SYNE2: variants seen among roughly 807,000 people sequenced by gnomAD.
SYNE2 encodes spectrin repeat containing nuclear envelope protein 2.
SYNE2 carries 431 observed loss-of-function variants against 856.3 expected under a neutral mutation model. The observed-to-expected ratio is 0.50, with a 90% CI of 0.47 to 0.55. The LOEUF (loss-of-function observed/expected upper bound fraction) is 0.55, where lower values mean the gene tolerates loss of function less well. Ranked by LOEUF, SYNE2 falls within the 20% of genes least tolerant of loss-of-function variation. The pLI, the probability that SYNE2 is intolerant of heterozygous loss-of-function variation, is 0.00. For synonymous variants in SYNE2, 2,923 were observed against 2,872.3 expected, an observed-to-expected ratio of 1.02 and a Z score of -0.56; for missense variants, 8,129 against 8,023.2, an observed-to-expected ratio of 1.01 and a Z score of -0.50.
Position 64,128,558 on chromosome 14 carries a change from T to C in SYNE2, c.14019+5T>C. The C allele has an allele frequency of 6.4e-7, 1 of 1,574,500 alleles. No individual in the cohort carries two copies. The highest frequency in any genetic ancestry group is 8.7e-7 in the Non-Finnish European group (1 of 1,143,952). On this transcript the variant is annotated splice_donor_5th_base_variant and intron_variant, in intron 74 of 115. Coordinates refer to ENST00000555002, the MANE Select transcript of SYNE2 (RefSeq NM_182914.3). ...AGTGTTGCTGAACAGCTTCAGGTAA[T>C]CAAGTCAAAATAATTCAGACTGACT...
At chr14:64,019,932 G>T in intron 34 of SYNE2, 60 bp from the exon 35 acceptor site, 1 of 1,084,556 alleles carries the variant, frequency 9.2e-7, no homozygotes, top group Non-Finnish European at 1.4e-6. Context: ...AGTAATTATG[G>T]GTATCAGAAA....
intron 1 of SYNE2, among the ~76,000 whole-genome samples, chr14:63,778,875 G>C (rs1299231444): frequency 1.3e-5 from 2 of 152,018 alleles, no homozygotes; most frequent in Non-Finnish European, 2.9e-5. Flanking sequence ...TGAACTCCTG[G>C]CCTTAGTGAT....
rs528543031 is a variant in SYNE2 at position 63,833,501 on chromosome 14, G to A, written c.-304-19000G>A. Among the ~76,000 whole-genome samples the A allele has an allele frequency of 6.7e-4, 102 of 152,252 alleles. 3 individuals are homozygous for A. The South Asian group carries it at 0.02, about 30-fold the overall frequency. On this transcript the variant is annotated intron_variant, in intron 1 of 23. Coordinates refer to the SYNE2 transcript ENST00000674003. ...CCAACTGGCACTTAACAAGCAGACCGCTGATTAACAAAAGAACTACCTATG... is the reference window on the plus strand; with the variant it reads ...CCAACTGGCACTTAACAAGCAGACCACTGATTAACAAAAGAACTACCTATG...
chr14:63,864,589 A>T (rs1894707914), intron 1 of SYNE2: 1 of 152,184 alleles, frequency 6.6e-6, no homozygotes, highest in East Asian at 1.9e-4. Flanking sequence ...GATCCAACAG[A>T]TTCTTTTAGG....
chr14:64,188,445 G>C, intron 97 of SYNE2, 105 bp from the exon 98 acceptor site: 1 of 1,303,924 alleles, frequency 7.7e-7, no homozygotes. Flanking sequence ...GTTGAGTGCG[G>C]AGAGCTACTG....
chr14:64,031,292 G>A lies in SYNE2; in HGVS notation c.7156G>A (p.Val2386Met), dbSNP rs771798098. The A allele has an allele frequency of 2.5e-6, 4 of 1,614,164 alleles. No homozygotes were observed. The Admixed American group carries it at 5.0e-5, about 20-fold the overall frequency. Residue 2386 changes from valine to methionine, a missense_variant, in exon 45 of 116, where the codon GTG becomes ATG. By Grantham distance (21) the Val-to-Met change is conservative. This residue lies in a region of SYNE2 where 297 missense variants were observed against 380.9 expected (regional missense o/e 0.78). Coordinates refer to ENST00000555002, the MANE Select transcript of SYNE2 (RefSeq NM_182914.3). ...PGREKQATSD[V>M]QESTQESAAV... Reference sequence around the variant, plus strand: ...CAGAGAGAAGCAGGCCACTTCTGATGTGCAGGAGTCTACTCAGGAATCAGC... The same window carrying A: ...CAGAGAGAAGCAGGCCACTTCTGATATGCAGGAGTCTACTCAGGAATCAGC...
intron 1 of SYNE2, among the ~76,000 whole-genome samples, chr14:63,782,465 C>A (rs2139741562): frequency 3.5e-5 from 2 of 56,392 alleles, no homozygotes. Flanking sequence ...GAAACTCCAT[C>A]TCAAAAAAAA....
intron 108 of SYNE2, 123 bp from the exon 109 acceptor site, chr14:64,218,275 A>G (rs2098676304): frequency 1.1e-6 from 1 of 876,858 alleles, no homozygotes; most frequent in Non-Finnish European, 1.8e-6. Flanking sequence ...TATTCCTAGC[A>G]AGATACCCTT....
At chr14:64,067,724 T>C (rs558336473) in intron 51 of SYNE2, among the ~76,000 whole-genome samples, 2 of 152,332 alleles carry the variant, frequency 1.3e-5, no homozygotes, top group East Asian at 3.9e-4. Flanking sequence ...AGAACTTGTG[T>C]CCCCCTAAAA....
chr14:64,144,492 G>A (rs1056621690), intron 83 of SYNE2, among the ~76,000 whole-genome samples: 7 of 152,108 alleles, frequency 4.6e-5, no homozygotes, highest in South Asian at 2.1e-4. Flanking sequence ...GTACATGAAT[G>A]GACAAAGGAC....
At chr14:63,843,722 T>G (rs1890142663) in intron 1 of SYNE2, among the ~76,000 whole-genome samples, 1 of 152,244 alleles carries the variant, frequency 6.6e-6, no homozygotes, top group Non-Finnish European at 1.5e-5. Flanking sequence ...TCAGCACCTG[T>G]GGAAATAATC....
At chr14:64,200,750 G>A (rs1158141480) in intron 99 of SYNE2, among the ~76,000 whole-genome samples, 1 of 152,230 alleles carries the variant, frequency 6.6e-6, no homozygotes, top group Admixed American at 6.5e-5. Context: ...TATCTCCGAG[G>A]CATTCTGCCT....
chr14:63,950,012 T>C lies in SYNE2; in HGVS notation c.590+6T>C, dbSNP rs1011848200. On this transcript the variant is annotated splice_donor_region_variant and intron_variant, in intron 7 of 115. Transcript: ENST00000555002. Reference sequence around the variant, plus strand: ...GCTCAGGAACAATGCGCCACGTAAGTAGTTTGCTATGACCCTAAGAGACAC... The same window carrying C: ...GCTCAGGAACAATGCGCCACGTAAGCAGTTTGCTATGACCCTAAGAGACAC... 6 of 1,613,862 alleles carry C rather than the reference T, an allele frequency of 3.7e-6. No individual in the cohort carries two copies. The highest frequency in any genetic ancestry group is 5.1e-6 in the Non-Finnish European group (6 of 1,179,936).
At chr14:64,075,487 C>T (rs1419655529) in intron 53 of SYNE2, 2 of 209,994 alleles carry the variant, frequency 9.5e-6, no homozygotes, top group African/African-American at 4.8e-5. Context: ...AAAGTAGACA[C>T]TTCTGCTCCA....
At position 63,888,647 on chromosome 14, in the gene SYNE2, G is replaced by A. The variant is rs1348624520; in HGVS notation, c.-51-20451G>A. Reference sequence around the variant, plus strand: ...GTGTAGTGCCTGGAACATACAAACTGCACATTCATACTTTTTGGGTAAATT... The same window carrying A: ...GTGTAGTGCCTGGAACATACAAACTACACATTCATACTTTTTGGGTAAATT... On this transcript the variant is annotated intron_variant, in intron 1 of 115. Transcript: ENST00000555002. Among the ~76,000 whole-genome samples the A allele has an allele frequency of 4.6e-5, 7 of 152,152 alleles. No individual in the cohort carries two copies. In the South Asian group the frequency reaches 6.2e-4, roughly 14 times the overall value.
chr14:64,093,780 G>C (rs1173051362), intron 61 of SYNE2, among the ~76,000 whole-genome samples: 1 of 152,194 alleles, frequency 6.6e-6, no homozygotes, highest in African/African-American at 2.4e-5. Context: ...AGCCAGGGCT[G>C]CCGCATCTCC....
At chr14:63,853,533 C>T (rs1383349714) in intron 1 of SYNE2, among the ~76,000 whole-genome samples, 1 of 151,714 alleles carries the variant, frequency 6.6e-6, no homozygotes. Context: ...GCCCAGGCCC[C>T]GGCCCTCGGG....
intron 1 of SYNE2, among the ~76,000 whole-genome samples, chr14:63,777,695 G>T (rs1011877595): frequency 3.3e-5 from 5 of 152,094 alleles, no homozygotes; most frequent in Admixed American, 3.3e-4. Context: ...TAAAGACAGG[G>T]TCTCGCTCTG....
chr14:64,175,275 A>G (rs928516529), intron 95 of SYNE2, 137 bp downstream of exon 95: 3 of 937,398 alleles, frequency 3.2e-6, no homozygotes, highest in Non-Finnish European at 4.9e-6. Flanking sequence ...TCTGTAAGTC[A>G]TGCCAGTTAC....
Sources: allele counts gnomAD v4.1 joint callset (sites outside exome capture counted in the v4.1 genomes callset), GRCh38; gene constraint gnomAD v4.1.1; regional missense constraint gnomAD v4.1.1; transcripts MANE v1.5; gene names NCBI Gene and HGNC (gene_info 2026-07-23, HGNC 2026-07-21).